Variants in GABRA2 observed in about 807,000 individuals in gnomAD.
GABRA2 encodes gamma-aminobutyric acid receptor subunit alpha-2.
GABRA2 carries 16 observed loss-of-function variants against 48.7 expected under a neutral mutation model. The ratio of observed to expected loss-of-function variants is 0.33; its 90% CI spans 0.22 to 0.50. The LOEUF is 0.50. GABRA2 is among the 20% of genes least tolerant of loss of function. The probability of loss-of-function intolerance (pLI) is 0.98; values close to 1 mark genes in which losing one functional copy is unlikely to be tolerated. For missense variants in GABRA2, 275 were observed against 535.6 expected (o/e 0.51, Z 4.80); for synonymous variants, 185 against 184.5 (o/e 1.00, Z -0.02).
intron 2 of GABRA2, among the ~76,000 whole-genome samples, chr4:46,386,523 A>G (rs1717482817): frequency 6.6e-6 from 1 of 152,206 alleles, no homozygotes; most frequent in Admixed American, 6.5e-5. Context: ...TGCAAACACT[A>G]TTAGTATTGC....
intron 4 of GABRA2, among the ~76,000 whole-genome samples, chr4:46,320,198 T>C (rs886181081): frequency 1.3e-5 from 2 of 151,830 alleles, no homozygotes; most frequent in Non-Finnish European, 2.9e-5. Context: ...AAGGGGTATT[T>C]TCTTCAAAAC....
intron 8 of GABRA2, among the ~76,000 whole-genome samples, chr4:46,265,016 GAGAGAT>G (rs1167502514): frequency 4.3e-4 from 29 of 67,808 alleles, no homozygotes; most frequent in African/African-American, 1.5e-3. Flanking sequence ...TAAAGAGAGA[GAGAGAT>G]AGAGAGAGAG....
intron 3 of GABRA2, among the ~76,000 whole-genome samples, chr4:46,352,759 G>C (rs1560567466): frequency 6.6e-6 from 1 of 152,046 alleles, no homozygotes; most frequent in Non-Finnish European, 1.5e-5. Flanking sequence ...CTTAAAAGGG[G>C]AGACTGCTTT....
chr4:46,349,735 A>C (rs1734802351), intron 3 of GABRA2, among the ~76,000 whole-genome samples: 1 of 151,932 alleles, frequency 6.6e-6, no homozygotes, highest in Non-Finnish European at 1.5e-5. Flanking sequence ...GCTTATTGAT[A>C]TTCTAATTTG....
chr4:46,296,406 G>C (rs1027524102), intron 8 of GABRA2, among the ~76,000 whole-genome samples: 1 of 152,124 alleles, frequency 6.6e-6, no homozygotes, highest in African/African-American at 2.4e-5. Context: ...TTGGGTTCCT[G>C]CTATCTTTAA....
intron 3 of GABRA2, among the ~76,000 whole-genome samples, chr4:46,360,472 T>C (rs1292522460): frequency 6.6e-6 from 1 of 152,208 alleles, no homozygotes; most frequent in Non-Finnish European, 1.5e-5. Context: ...TGTGACTTGC[T>C]CCTCATTGCC....
Position 46,250,445 on chromosome 4 carries a change from C to T in GABRA2, c.1219G>A (p.Ala407Thr), listed in dbSNP as rs519972. The T allele has an allele frequency of 2.5e-5, 41 of 1,611,968 alleles. No individual in the cohort carries two copies. The Middle Eastern group carries it at 9.9e-4, about 39-fold the overall frequency. The change falls in exon 10 of 10, where the codon GCA (alanine) becomes ACA (threonine). Residue 407 changes from alanine (A) to threonine (T), a missense_variant. Around this residue, in one of 4 missense-constraint regions of GABRA2, gnomAD observed 99 missense variants for 124.3 expected, o/e 0.80. Coordinates refer to ENST00000381620, the MANE Select transcript of GABRA2 (RefSeq NM_000807.4). The part of the protein sequence containing the change: ...NKKPENKPAE[A>T]KKTFNSVSKI... ...CTAACACTGTTGAAAGTTTTCTTTG[C>T]TTCAGCTGGCTTGTTTTCTGGCTTC... is the stretch of plus-strand genomic sequence containing the variant.
At position 46,245,267 on chromosome 4, in the gene GABRA2, GAAAC is replaced by G. The variant is rs948311189; in HGVS notation, c.*5037_*5040del. On this transcript the variant is annotated 3_prime_UTR_variant, in exon 10 of 10. Transcript: ENST00000381620. Reference sequence around the variant, plus strand: ...CATTCCAATTCAAAAAGTAAGGTATGAAACAAATCAGTAATGAATATACATAACT... The same window carrying G: ...CATTCCAATTCAAAAAGTAAGGTATGAAATCAGTAATGAATATACATAACT... Among the ~76,000 whole-genome samples the G allele has an allele frequency of 2.0e-5, 3 of 151,292 alleles. No individual in the cohort carries two copies. Among genetic ancestry groups the G allele is most frequent in the African/African-American group, 7.2e-5 (3 of 41,430 alleles).
intron 9 of GABRA2, among the ~76,000 whole-genome samples, chr4:46,259,730 G>T (rs1716579419): frequency 6.6e-6 from 1 of 151,704 alleles, no homozygotes; most frequent in South Asian, 2.1e-4. Flanking sequence ...AAAACAAAAG[G>T]ACTTCCATAA....
intron 3 of GABRA2, among the ~76,000 whole-genome samples, chr4:46,351,986 T>TA (rs1412221368): frequency 5.6e-5 from 5 of 88,912 alleles, no homozygotes; most frequent in Non-Finnish European, 6.6e-5. Context: ...TTTTTTTTTT[T>TA]ACCTGTCCAC....
At chr4:46,288,501 G>T (rs1219196524) in intron 8 of GABRA2, among the ~76,000 whole-genome samples, 1 of 152,114 alleles carries the variant, frequency 6.6e-6, no homozygotes, top group Non-Finnish European at 1.5e-5. Flanking sequence ...CTAGGGTAAT[G>T]GCTAGCCATA....
chr4:46,287,217 C>T lies in GABRA2; in HGVS notation c.856+16243G>A, dbSNP rs1159046516. On this transcript the variant is annotated intron_variant, in intron 8 of 9. Coordinates refer to ENST00000381620, the MANE Select transcript of GABRA2 (RefSeq NM_000807.4). ...AGCATCATTTGATAAAGAGATTATT[C>T]TTTCCCCATTGAATAATTCTAACAA... Among the ~76,000 whole-genome samples, 3 of 152,222 alleles carry T rather than the reference C, an allele frequency of 2.0e-5. No individual in the cohort carries two copies. In the South Asian group the frequency reaches 6.2e-4, roughly 32 times the overall value.
intron 8 of GABRA2, among the ~76,000 whole-genome samples, chr4:46,298,118 C>T (rs1725084607): frequency 6.6e-6 from 1 of 152,036 alleles, no homozygotes; most frequent in African/African-American, 2.4e-5. Flanking sequence ...TTTCAACCTT[C>T]TAAAATTTAT....
intron 2 of GABRA2, 49 bp downstream of exon 2, chr4:46,388,587 A>G: frequency 6.2e-7 from 1 of 1,604,254 alleles, no homozygotes. Flanking sequence ...CCTACAAGAA[A>G]CACATCTTTG....
intron 3 of GABRA2, among the ~76,000 whole-genome samples, chr4:46,354,304 A>G (rs1255020709): frequency 6.6e-6 from 1 of 152,178 alleles, no homozygotes; most frequent in Non-Finnish European, 1.5e-5. Flanking sequence ...AACTTGTTTT[A>G]CTACACAGTT....
chr4:46,281,048 G>A (rs1721437448), intron 8 of GABRA2, among the ~76,000 whole-genome samples: 1 of 152,086 alleles, frequency 6.6e-6, no homozygotes, highest in African/African-American at 2.4e-5. Flanking sequence ...CCTTATCTAT[G>A]GTATTTTTTA....
intron 8 of GABRA2, among the ~76,000 whole-genome samples, chr4:46,300,411 T>C (rs1333667115): frequency 6.6e-6 from 1 of 152,006 alleles, no homozygotes; most frequent in Non-Finnish European, 1.5e-5. Flanking sequence ...AATTAGTTCC[T>C]TTTTATTCTG....
intron 8 of GABRA2, among the ~76,000 whole-genome samples, chr4:46,276,021 A>T (rs761238287): frequency 2.0e-5 from 3 of 152,138 alleles, no homozygotes; most frequent in Non-Finnish European, 2.9e-5. Context: ...GAATAATGAG[A>T]GTGGAAAAGT....
chr4:46,378,063 C>T (rs1320537500), intron 3 of GABRA2, among the ~76,000 whole-genome samples: 7 of 151,986 alleles, frequency 4.6e-5, no homozygotes, highest in Non-Finnish European at 7.4e-5. Context: ...CCCGGCCAGC[C>T]GCCCCATCAG....
Sources: allele counts gnomAD v4.1 joint callset (sites outside exome capture counted in the v4.1 genomes callset), GRCh38; gene constraint gnomAD v4.1.1; regional missense constraint gnomAD v4.1.1; transcripts MANE v1.5; gene names NCBI Gene and HGNC (gene_info 2026-07-23, HGNC 2026-07-21).